The following MBNL1 variants were observed in gnomAD, a reference collection of about 807,000 sequenced individuals.
The protein encoded by MBNL1 is muscleblind-like protein 1.
In MBNL1, 8 loss-of-function variants were observed where a neutral mutation model predicts 42.2. The observed-to-expected ratio is 0.19, with a 90% CI of 0.11 to 0.34. MBNL1 has a LOEUF of 0.34. Among genes scored for constraint, MBNL1 ranks in the 10% least tolerant of loss-of-function variants. The pLI is 1.00. For missense variants in MBNL1, 309 were observed against 495.3 expected (o/e 0.62, Z 3.57); for synonymous variants, 169 against 173.9 (o/e 0.97, Z 0.22).
At chr3:152,392,043 A>G (rs973963270) in intron 2 of MBNL1, among the ~76,000 whole-genome samples, 1 of 151,978 alleles carries the variant, frequency 6.6e-6, no homozygotes, top group Non-Finnish European at 1.5e-5. Flanking sequence ...ATGTGTTTCA[A>G]ATACAGAGCT....
intron 2 of MBNL1, among the ~76,000 whole-genome samples, chr3:152,378,074 T>C (rs2096991028): frequency 1.3e-5 from 2 of 152,196 alleles, no homozygotes; most frequent in African/African-American, 4.8e-5. Flanking sequence ...GGATGGCTCA[T>C]TCCTGTAATC....
intron 2 of MBNL1, chr3:152,340,943 A>G (rs1285571118): frequency 2.6e-6 from 4 of 1,542,116 alleles, no homozygotes; most frequent in African/African-American, 2.8e-5. Context: ...AGACTGCAGC[A>G]GGCCTGCACC....
chr3:152,286,161 C>G (rs1003303015), intron 1 of MBNL1, among the ~76,000 whole-genome samples: 1 of 151,078 alleles, frequency 6.6e-6, no homozygotes, highest in Non-Finnish European at 1.5e-5. Flanking sequence ...AATTTAAATT[C>G]CAAGGACTAG....
intron 2 of MBNL1, among the ~76,000 whole-genome samples, chr3:152,390,726 T>C (rs2097682705): frequency 6.6e-6 from 1 of 152,012 alleles, no homozygotes; most frequent in Non-Finnish European, 1.5e-5. Flanking sequence ...CCTTCTTTAT[T>C]GTAGTGGCAA....
chr3:152,279,809 TC>T (rs1231788933), intron 1 of MBNL1, among the ~76,000 whole-genome samples: 1 of 152,166 alleles, frequency 6.6e-6, no homozygotes, highest in East Asian at 1.9e-4. Flanking sequence ...AGTTTATAGA[TC>T]ATGGTTGTTT....
At chr3:152,337,407 G>A (rs1015839832) in intron 2 of MBNL1, among the ~76,000 whole-genome samples, 1 of 152,088 alleles carries the variant, frequency 6.6e-6, no homozygotes, top group Non-Finnish European at 1.5e-5. Flanking sequence ...GTCATTTGAG[G>A]TCAGGAGTTC....
At position 152,455,923 on chromosome 3, in the gene MBNL1, A is replaced by T. The variant is rs150145784; in HGVS notation, c.998-344A>T. On this transcript the variant is annotated intron_variant, in intron 7 of 9. Transcript: ENST00000324210. ...AACAGATAACTGTATATATGAAGTA[A>T]ATACTTGTATTTTGACTTAGATTTT... Among the ~76,000 whole-genome samples the T allele has an allele frequency of 2.6e-3, 396 of 152,334 alleles. 1 individual carries two copies. The highest frequency in any genetic ancestry group is 9.1e-3 in the African/African-American group (377 of 41,566).
At chr3:152,394,251 A>G (rs2097840981) in intron 2 of MBNL1, among the ~76,000 whole-genome samples, 1 of 152,222 alleles carries the variant, frequency 6.6e-6, no homozygotes, top group African/African-American at 2.4e-5. Flanking sequence ...TTTTAACTAA[A>G]TGTGTACTGT....
rs1459887544 is a variant in MBNL1, at chr3:152,416,913, T to A, written c.345+1802T>A. Among the ~76,000 whole-genome samples the A allele has an allele frequency of 3.9e-5, 6 of 152,218 alleles. 1 individual carries two copies. The highest frequency in any genetic ancestry group is 1.2e-4 in the African/African-American group (5 of 41,462). On this transcript the variant is annotated intron_variant, in intron 3 of 9. Transcript: ENST00000324210. Reference sequence around the variant, plus strand: ...TGCTTTTGTTAGAAAATTCTCTGCTTAGACAAAGAAATTATTTTTATTAGT... The same window carrying A: ...TGCTTTTGTTAGAAAATTCTCTGCTAAGACAAAGAAATTATTTTTATTAGT...
rs142612883 is a variant in MBNL1 at position 152,397,172 on chromosome 3, T to C, written c.175-17769T>C. Among the ~76,000 whole-genome samples the C allele has an allele frequency of 5.8e-3, 883 of 152,338 alleles. 1 individual carries two copies. The highest frequency in any genetic ancestry group is 9.9e-3 in the Non-Finnish European group (676 of 68,026). ...GGAGATAAGAACATTGGCATTCCAT[T>C]CTAAGACTTGTTAGGTTTCAAATGA... is the stretch of plus-strand genomic sequence containing the variant. On this transcript the variant is annotated intron_variant, in intron 2 of 9. Coordinates refer to ENST00000324210, the MANE Select transcript of MBNL1 (RefSeq NM_021038.5).
intron 2 of MBNL1, among the ~76,000 whole-genome samples, chr3:152,320,368 A>C (rs1402951881): frequency 1.3e-5 from 2 of 152,092 alleles, no homozygotes. Context: ...TGTTCTGTTG[A>C]TGTAAATTTC....
At chr3:152,269,912 C>CCT (rs1559957244) in intron 1 of MBNL1, 1 of 143,096 alleles carries the variant, frequency 7.0e-6, no homozygotes, top group Non-Finnish European at 1.5e-5. Flanking sequence ...TAGCCACCCC[C>CCT]CAACTTTTTT....
intron 2 of MBNL1, among the ~76,000 whole-genome samples, chr3:152,348,374 A>G (rs2152952026): frequency 6.6e-6 from 1 of 152,130 alleles, no homozygotes; most frequent in East Asian, 1.9e-4. Context: ...AAGTAAATGG[A>G]TAAACTCAGT....
At chr3:152,279,755 A>G (rs567568615) in intron 1 of MBNL1, among the ~76,000 whole-genome samples, 14 of 152,192 alleles carry the variant, frequency 9.2e-5, no homozygotes, top group South Asian at 2.1e-4. Context: ...TCTCACCAAT[A>G]GTATGAGGCT....
chr3:152,458,268 C>T (rs1737789171), intron 8 of MBNL1: 1 of 1,294,334 alleles, frequency 7.7e-7, no homozygotes, highest in Non-Finnish European at 1.1e-6. Context: ...GTAAAAATGT[C>T]AGCTGAGAAC....
chr3:152,410,397 A>G (rs1016205073), intron 2 of MBNL1, among the ~76,000 whole-genome samples: 3 of 152,192 alleles, frequency 2.0e-5, no homozygotes, highest in Non-Finnish European at 4.4e-5. Flanking sequence ...CAAGGGGGAA[A>G]TTTTGCCTTT....
At chr3:152,353,671 CTTTT>C (rs34931833) in intron 2 of MBNL1, among the ~76,000 whole-genome samples, 1 of 116,494 alleles carries the variant, frequency 8.6e-6, no homozygotes, top group Non-Finnish European at 1.7e-5. Flanking sequence ...TCAACAAATC[CTTTT>C]TTTTTTTTTT....
rs142651953 is a variant in MBNL1 at position 152,445,414 on chromosome 3, A to G, written c.682A>G (p.Arg228Gly). The change falls in exon 5 of 10, where the codon AGA becomes GGA. Residue 228 changes from arginine (R) to glycine (G), a missense_variant. Transcript: ENST00000324210. ...VTVCMDYIKG[R>G]CSREKCKYFH... ...TGTGTGTATGGATTACATCAAAGGG[A>G]GATGCTCTCGGGAAAAGTGCAAATA... is the stretch of plus-strand genomic sequence containing the variant. 1 of 1,614,016 alleles carries G rather than the reference A, an allele frequency of 6.2e-7. No homozygotes were observed. Among genetic ancestry groups the G allele is most frequent in the African/African-American group, 1.3e-5 (1 of 75,028 alleles).
intron 2 of MBNL1, among the ~76,000 whole-genome samples, chr3:152,352,980 T>C (rs1370684728): frequency 6.6e-6 from 1 of 152,242 alleles, no homozygotes; most frequent in Non-Finnish European, 1.5e-5. Flanking sequence ...TTTAAGTCTA[T>C]TTTATGATGA....
Sources: allele counts gnomAD v4.1 joint callset (sites outside exome capture counted in the v4.1 genomes callset), GRCh38; gene constraint gnomAD v4.1.1; transcripts MANE v1.5; gene names NCBI Gene and HGNC (gene_info 2026-07-23, HGNC 2026-07-21).